CSMD1: variants seen among roughly 807,000 people sequenced by gnomAD.
CSMD1 encodes the protein CUB and Sushi multiple domains 1.
A neutral mutation model predicts 417.5 loss-of-function variants in CSMD1; 213 were observed. The ratio of observed to expected loss-of-function variants is 0.51; its 90% confidence interval spans 0.46 to 0.57. The LOEUF (loss-of-function observed/expected upper bound fraction) is 0.57, where lower values mean the gene tolerates loss of function less well. Among genes scored for constraint, CSMD1 ranks in the 20% least tolerant of loss-of-function variants. The probability of loss-of-function intolerance (pLI) is 0.00; values close to 1 mark genes in which losing one functional copy is unlikely to be tolerated. For missense variants in CSMD1, 6,923 were observed against 4,529.7 expected, an observed-to-expected ratio of 1.53 and a Z score of -15.17; for synonymous variants, 2,862 against 1,736.8, an observed-to-expected ratio of 1.65 and a Z score of -16.11.
intron 3 of CSMD1, among the ~76,000 whole-genome samples, chr8:4,177,112 A>C (rs1362564332): frequency 1.3e-5 from 2 of 152,154 alleles, no homozygotes; most frequent in Non-Finnish European, 2.9e-5. Context: ...TCCACCCCAA[A>C]TCAACAGAAT....
chr8:3,648,520 G>C (rs1038611709), intron 7 of CSMD1, among the ~76,000 whole-genome samples: 2 of 152,168 alleles, frequency 1.3e-5, no homozygotes, highest in African/African-American at 4.8e-5. Flanking sequence ...CTGTTGAAAA[G>C]TTGTTGTACG....
intron 3 of CSMD1, among the ~76,000 whole-genome samples, chr8:4,384,568 G>A (rs1442360707): frequency 6.6e-6 from 1 of 152,154 alleles, no homozygotes; most frequent in Non-Finnish European, 1.5e-5. Context: ...AGTGCTGTAA[G>A]CAATGCTACT....
At position 3,487,843 on chromosome 8, in the gene CSMD1, T is replaced by A. The variant is rs553839292; in HGVS notation, c.1448+5780A>T. The stretch of plus-strand genomic sequence containing the variant: ...AGAAATCGTAAAAATCCTCAAGGCA[T>A]TGCTGAAACCTCACTTAGTAACATT... On this transcript the variant is annotated intron_variant, in intron 11 of 69. Transcript: ENST00000635120. 1.2e-4 allele frequency among the ~76,000 whole-genome samples: 18 copies of A among 152,260 alleles called. 1 individual carries two copies. In the South Asian group the frequency reaches 3.7e-3, roughly 32 times the overall value.
intron 1 of CSMD1, among the ~76,000 whole-genome samples, chr8:4,815,591 G>T (rs1479868250): frequency 6.6e-6 from 1 of 151,128 alleles, no homozygotes; most frequent in Non-Finnish European, 1.5e-5. Context: ...AGCTATTTGG[G>T]AGGCTGAGGC....
At chr8:4,029,137 AAG>A (rs1247036428) in intron 4 of CSMD1, among the ~76,000 whole-genome samples, 2 of 152,210 alleles carry the variant, frequency 1.3e-5, no homozygotes, top group Non-Finnish European at 2.9e-5. Context: ...AAAAGATAAA[AAG>A]GAGGCAACAG....
chr8:4,034,682 A>T (rs929212964), intron 3 of CSMD1, among the ~76,000 whole-genome samples: 2 of 152,158 alleles, frequency 1.3e-5, no homozygotes, highest in African/African-American at 4.8e-5. Flanking sequence ...GGGAGTGATT[A>T]AAAAAAGTAA....
At chr8:4,372,262 G>A (rs762512339) in intron 3 of CSMD1, among the ~76,000 whole-genome samples, 46 of 152,128 alleles carry the variant, frequency 3.0e-4, no homozygotes, top group Non-Finnish European at 4.9e-4. Flanking sequence ...ACATAACGTC[G>A]GCTCTCCATT....
At chr8:4,298,771 G>C (rs772941615) in intron 3 of CSMD1, among the ~76,000 whole-genome samples, 45 of 151,846 alleles carry the variant, frequency 3.0e-4, no homozygotes, top group Non-Finnish European at 5.3e-4. Context: ...TTGTGCTTTT[G>C]AATAAATTTA....
intron 2 of CSMD1, among the ~76,000 whole-genome samples, chr8:4,446,717 TTGTGTGTGTG>T (rs147599017): frequency 6.9e-6 from 1 of 144,438 alleles, no homozygotes; most frequent in Non-Finnish European, 1.5e-5. Context: ...CATGCCTGAG[TTGTGTGTGTG>T]TGTGTCTGTG....
At chr8:3,693,359 G>C (rs1447046585) in intron 7 of CSMD1, among the ~76,000 whole-genome samples, 1 of 152,072 alleles carries the variant, frequency 6.6e-6, no homozygotes, top group East Asian at 1.9e-4. Context: ...TCCAAGAAAT[G>C]ATAAAATCCG....
At chr8:4,131,633 A>T (rs1295269423) in intron 3 of CSMD1, among the ~76,000 whole-genome samples, 1 of 152,082 alleles carries the variant, frequency 6.6e-6, no homozygotes, top group African/African-American at 2.4e-5. Context: ...CAGCTTCTTG[A>T]CTAGTTCTCA....
rs534204539 is a variant in CSMD1 at position 3,535,142 on chromosome 8, C to T, written c.1344+39803G>A. 2.0e-5 allele frequency among the ~76,000 whole-genome samples: 3 copies of T among 151,764 alleles called. No individual in the cohort carries two copies. In the South Asian group the frequency reaches 6.3e-4, roughly 32 times the overall value. ...TTTTTTTTTTTAATTTATATAGAGA[C>T]AGGGTCTCACCATGGTGCCCATGCT... is the stretch of plus-strand genomic sequence containing the variant. On this transcript the variant is annotated intron_variant, in intron 10 of 69. Transcript: ENST00000635120.
intron 3 of CSMD1, among the ~76,000 whole-genome samples, chr8:4,220,006 G>C (rs1408390514): frequency 5.9e-5 from 9 of 152,072 alleles, no homozygotes; most frequent in Admixed American, 5.9e-4. Context: ...CTGGAGTGCA[G>C]TGGTGCGATC....
At chr8:3,369,181 T>C in intron 19 of CSMD1, 73 bp downstream of exon 19, 1 of 710,258 alleles carries the variant, frequency 1.4e-6, no homozygotes. Context: ...CACCGTAATA[T>C]GTTTTTGTTT....
At chr8:4,504,162 G>A (rs550503841) in intron 2 of CSMD1, among the ~76,000 whole-genome samples, 1 of 152,066 alleles carries the variant, frequency 6.6e-6, no homozygotes, top group Non-Finnish European at 1.5e-5. Flanking sequence ...TCAAAAGGGA[G>A]ATCCTGCCAT....
chr8:3,280,113 C>T (rs912162389), intron 26 of CSMD1, among the ~76,000 whole-genome samples: 3 of 152,144 alleles, frequency 2.0e-5, no homozygotes, highest in Non-Finnish European at 4.4e-5. Flanking sequence ...TGTGCCCTGA[C>T]ATGCCCTCCT....
intron 1 of CSMD1, among the ~76,000 whole-genome samples, chr8:4,720,683 A>C (rs958357828): frequency 2.0e-5 from 3 of 152,156 alleles, no homozygotes; most frequent in Non-Finnish European, 4.4e-5. Flanking sequence ...TGGCTTCCCA[A>C]AGAGCTGGGA....
chr8:3,676,934 A>G (rs1266447269), intron 7 of CSMD1, among the ~76,000 whole-genome samples: 2 of 152,096 alleles, frequency 1.3e-5, no homozygotes, highest in East Asian at 1.9e-4. Flanking sequence ...GTTCACACTC[A>G]TAAGTGGGAG....
intron 49 of CSMD1, among the ~76,000 whole-genome samples, chr8:3,061,470 G>A (rs11994735): frequency 3.9e-5 from 6 of 152,092 alleles, no homozygotes; most frequent in South Asian, 2.1e-4. Context: ...TCTCTGCACC[G>A]TGGATATCCC....
Sources: allele counts gnomAD v4.1 joint callset (sites outside exome capture counted in the v4.1 genomes callset), GRCh38; gene constraint gnomAD v4.1.1; transcripts MANE v1.5; gene names NCBI Gene and HGNC (gene_info 2026-07-23, HGNC 2026-07-21).